The following C11orf54 variants were observed in gnomAD, a reference collection of about 807,000 sequenced individuals.
C11orf54 encodes the protein beta-keto L-gulonate decarboxylase.
C11orf54 carries 29 observed loss-of-function variants against 35.5 expected under a neutral mutation model. That is an observed-to-expected ratio of 0.82 (90% confidence interval 0.61 to 1.11). The LOEUF is 1.11. Among genes scored for constraint, C11orf54 ranks in the 50% most tolerant of loss-of-function variants. C11orf54 has a pLI of 0.00. For missense variants in C11orf54, 373 were observed against 369.2 expected, an observed-to-expected ratio of 1.01 and a Z score of -0.08; for synonymous variants, 108 against 121.1, an observed-to-expected ratio of 0.89 and a Z score of 0.71.
At chr11:93,744,169 G>T (rs1048522021) in intron 1 of C11orf54, among the ~76,000 whole-genome samples, 5 of 152,198 alleles carry the variant, frequency 3.3e-5, no homozygotes, top group Non-Finnish European at 7.3e-5. Flanking sequence ...GAACGCACAA[G>T]TGTCTGTTAT....
At chr11:93,758,538 T>TGCTC (rs1365392116) in intron 7 of C11orf54, among the ~76,000 whole-genome samples, 1 of 152,210 alleles carries the variant, frequency 6.6e-6, no homozygotes, top group East Asian at 1.9e-4. Context: ...TGGAAATGCC[T>TGCTC]GCTCCCACTG....
chr11:93,755,085 T>C, intron 5 of C11orf54, 125 bp from the exon 6 acceptor site: 1 of 997,806 alleles, frequency 1.0e-6, no homozygotes, highest in Non-Finnish European at 1.4e-6. Context: ...TATTATGTAT[T>C]TTATGTTCTC....
intron 7 of C11orf54, among the ~76,000 whole-genome samples, chr11:93,759,485 G>C (rs780005194): frequency 6.6e-6 from 1 of 152,020 alleles, no homozygotes; most frequent in Non-Finnish European, 1.5e-5. Context: ...ATCACACACC[G>C]GGGCCTTTCG....
chr11:93,742,191 C>G (rs1173167644), intron 1 of C11orf54: 1 of 153,020 alleles, frequency 6.5e-6, no homozygotes, highest in Non-Finnish European at 1.5e-5. Flanking sequence ...CTACATCCCC[C>G]CTGCCCCACA....
rs752324641 is a variant in C11orf54 at position 93,750,373 on chromosome 11, T to C, written c.83T>C (p.Phe28Ser). ...GVMQKGLKDN[F>S]ADVQVSVVDC... ...ATGCAGAAGGGGTTAAAAGATAACTTTGCTGATGTCCAGGTCTCTGTAGTT... is the reference window on the plus strand; with the variant it reads ...ATGCAGAAGGGGTTAAAAGATAACTCTGCTGATGTCCAGGTCTCTGTAGTT... The change falls in exon 3 of 9, where the codon TTT becomes TCT. Residue 28 changes from phenylalanine to serine, a missense_variant. Phe to Ser is a radical substitution (Grantham distance 155). Coordinates refer to ENST00000354421, the MANE Select transcript of C11orf54 (RefSeq NM_001286069.2). 6 of 1,613,796 alleles carry C rather than the reference T, an allele frequency of 3.7e-6. No homozygotes were observed. Among genetic ancestry groups the C allele is most frequent in the Non-Finnish European group, 5.1e-6 (6 of 1,179,800 alleles).
chr11:93,750,286 G>C (rs1942745236), intron 2 of C11orf54, 60 bp from the exon 3 acceptor site: 1 of 1,351,998 alleles, frequency 7.4e-7, no homozygotes. Flanking sequence ...TACCACTTTT[G>C]ATACGTGGTA....
chr11:93,759,492 T>C (rs1465433828), intron 7 of C11orf54, among the ~76,000 whole-genome samples: 1 of 151,934 alleles, frequency 6.6e-6, no homozygotes, highest in Non-Finnish European at 1.5e-5. Context: ...ACCGGGGCCT[T>C]TCGGGGAGTG....
intron 1 of C11orf54, among the ~76,000 whole-genome samples, chr11:93,742,415 C>T (rs1003349639): frequency 2.0e-5 from 3 of 152,040 alleles, no homozygotes; most frequent in African/African-American, 7.3e-5. Context: ...TCCCCAGTAG[C>T]TGAGATTACA....
At chr11:93,747,630 AG>A (rs1182770280) in intron 2 of C11orf54, among the ~76,000 whole-genome samples, 182 bp downstream of exon 2, 1 of 85,540 alleles carries the variant, frequency 1.2e-5, no homozygotes, top group African/African-American at 3.6e-5. Context: ...ATTTTTATTG[AG>A]AAAGTCCAAA....
intron 5 of C11orf54, among the ~76,000 whole-genome samples, chr11:93,754,696 T>G (rs546419080): frequency 6.6e-6 from 1 of 151,548 alleles, no homozygotes; most frequent in African/African-American, 2.4e-5. Context: ...TAACGCAAGT[T>G]ATAGATACAC....
intron 6 of C11orf54, among the ~76,000 whole-genome samples, chr11:93,755,752 C>A (rs1445297864): frequency 0.029 from 3,112 of 108,604 alleles, 1 homozygote; most frequent in Middle Eastern, 0.044. Context: ...GACTCTGTCT[C>A]AAAAAAAAAA....
Position 93,763,946 on chromosome 11 carries a change from T to A in C11orf54, c.*2258T>A, listed in dbSNP as rs1943567596. ...GGGCCAGAGTGATGTTTCTTGCATG[T>A]GGTTTGAATTTCCCACTGGTATCAA... On this transcript the variant is annotated 3_prime_UTR_variant, in exon 9 of 9. Transcript: ENST00000354421. 6.6e-6 allele frequency: 1 copy of A among 152,350 alleles called. No individual in the cohort carries two copies. Among genetic ancestry groups the A allele is most frequent in the Middle Eastern group, 3.4e-3 (1 of 294 alleles). The allele number at this position is 152,350 out of a possible 1,614,324, so 9.4% of individuals were successfully genotyped here.
chr11:93,755,249 C>T lies in C11orf54; in HGVS notation c.370C>T (p.Pro124Ser), dbSNP rs2135640873. The T allele has an allele frequency of 6.2e-7, 1 of 1,613,988 alleles. No individual in the cohort carries two copies. The highest frequency in any genetic ancestry group is 2.2e-5 in the East Asian group (1 of 44,884). ...VIQTESEHKP[P>S]VNGSYFAHVN... The stretch of plus-strand genomic sequence containing the variant: ...TCAGACAGAAAGTGAACACAAGCCT[C>T]CTGTAAATGGAAGTTACTTTGCCCA... Residue 124 changes from proline to serine, a missense_variant, in exon 6 of 9, where the codon CCT becomes TCT. Transcript: ENST00000354421.
intron 7 of C11orf54, among the ~76,000 whole-genome samples, chr11:93,758,507 C>T (rs1943282322): frequency 1.3e-5 from 2 of 152,236 alleles, no homozygotes; most frequent in South Asian, 4.1e-4. Context: ...TCTGGGAAGG[C>T]CCCCACTGCT....
At chr11:93,747,186 C>G in intron 1 of C11orf54, 111 bp from the exon 2 acceptor site, 1 of 376,058 alleles carries the variant, frequency 2.7e-6, no homozygotes, top group Non-Finnish European at 4.7e-6. Context: ...TTGTCTATTT[C>G]TCACTTGGAA....
In C11orf54 at chr11:93,761,691, C is replaced by T. The variant is rs755270663; in HGVS notation, c.*3C>T. On this transcript the variant is annotated 3_prime_UTR_variant, in exon 9 of 9. Transcript: ENST00000354421. ...CGCATTCAATTGGGCGAGATTAAAT[C>T]AGCTGATACTTATTTAGAAAAAGAA... is the stretch of plus-strand genomic sequence containing the variant. 6 of 1,569,556 alleles carry T rather than the reference C, an allele frequency of 3.8e-6. No homozygotes were observed. The highest frequency in any genetic ancestry group is 5.2e-6 in the Non-Finnish European group (6 of 1,162,988).
chr11:93,757,280 C>T, intron 6 of C11orf54, 36 bp from the exon 7 acceptor site: 2 of 1,569,620 alleles, frequency 1.3e-6, no homozygotes, highest in Middle Eastern at 1.7e-4. Context: ...TATTTTGCAG[C>T]ATAGTCAATG....
chr11:93,749,666 A>T (rs1291733051), intron 2 of C11orf54, among the ~76,000 whole-genome samples: 6 of 152,102 alleles, frequency 3.9e-5, no homozygotes, highest in Admixed American at 3.3e-4. Flanking sequence ...AAAAGAAAAA[A>T]AGAGAGAGGG....
intron 8 of C11orf54, among the ~76,000 whole-genome samples, chr11:93,760,081 G>A (rs1411323928): frequency 6.6e-6 from 1 of 152,034 alleles, no homozygotes; most frequent in Non-Finnish European, 1.5e-5. Flanking sequence ...CGGGTAGCTG[G>A]GATTATAGGC....
Sources: gnomAD v4.1 joint callset for allele counts (sites outside exome capture counted in the v4.1 genomes callset) on GRCh38, gnomAD v4.1.1 for gene constraint, MANE v1.5 for transcripts, NCBI Gene and HGNC (gene_info 2026-07-23, HGNC 2026-07-21) for gene names.